The following PIGL variants were observed in gnomAD, a reference collection of about 807,000 sequenced individuals.
PIGL encodes N-acetylglucosaminyl-phosphatidylinositol de-N-acetylase.
PIGL carries 22 observed loss-of-function variants against 31.1 expected under a neutral mutation model. That is an observed-to-expected ratio of 0.71 (90% CI 0.51 to 1.01). PIGL has a LOEUF of 1.01. PIGL is among the 50% of genes least tolerant of loss of function. The probability of loss-of-function intolerance (pLI) is 0.00; values close to 1 mark genes in which losing one functional copy is unlikely to be tolerated. For synonymous variants in PIGL, 131 were observed against 117.4 expected (o/e 1.12, Z -0.75); for missense variants, 302 against 315.9 (o/e 0.96, Z 0.33).
At chr17:16,223,059 G>A (rs1174332576) in intron 1 of PIGL, among the ~76,000 whole-genome samples, 1 of 152,072 alleles carries the variant, frequency 6.6e-6, no homozygotes, top group African/African-American at 2.4e-5. Context: ...GTCAAGTTTG[G>A]AGAATAGCCA....
chr17:16,218,095 C>G (rs1221387055), intron 1 of PIGL: 2 of 152,164 alleles, frequency 1.3e-5, no homozygotes, highest in African/African-American at 4.8e-5. Flanking sequence ...GACCATTAAG[C>G]TGGAATATGG....
intron 1 of PIGL, among the ~76,000 whole-genome samples, chr17:16,229,797 A>G (rs1377018800): frequency 2.0e-5 from 3 of 150,664 alleles, no homozygotes; most frequent in Non-Finnish European, 4.4e-5. Context: ...TATCTTCTTT[A>G]GAGAATACCT....
intron 2 of PIGL, among the ~76,000 whole-genome samples, chr17:16,276,508 G>T (rs530824427): frequency 1.1e-4 from 16 of 152,300 alleles, no homozygotes; most frequent in African/African-American, 3.6e-4. Context: ...CAAGGCGGGT[G>T]GATCACCTGA....
chr17:16,224,112 G>A (rs1008029799), intron 1 of PIGL, among the ~76,000 whole-genome samples: 30 of 151,350 alleles, frequency 2.0e-4, no homozygotes, highest in Non-Finnish European at 4.1e-4. Context: ...CTACTCAGGA[G>A]GCTGAGGCAG....
intron 1 of PIGL, among the ~76,000 whole-genome samples, chr17:16,228,872 G>T (rs1006340489): frequency 6.6e-6 from 1 of 152,236 alleles, no homozygotes; most frequent in South Asian, 2.1e-4. Flanking sequence ...GTCTATTCTA[G>T]GTAACTCGAA....
In PIGL at chr17:16,326,005, C is replaced by T. The variant is rs1224290289; in HGVS notation, c.*107C>T. 6 of 774,260 alleles carry T rather than the reference C, an allele frequency of 7.7e-6. No individual in the cohort carries two copies. The highest frequency in any genetic ancestry group is 1.6e-5 in the South Asian group (1 of 62,702). 48.0% of individuals were successfully genotyped at this position (774,260 alleles called of 1,614,324 possible). A position where few individuals can be genotyped will look rare whatever the true frequency, so the allele number is the denominator to read the frequency against. ...ATTTACCTGAGCTCAAGGAGATCCCCGCTGGAGCAGCCTCTGCAAAAGGGA... is the reference window on the plus strand; with the variant it reads ...ATTTACCTGAGCTCAAGGAGATCCCTGCTGGAGCAGCCTCTGCAAAAGGGA... On this transcript the variant is annotated 3_prime_UTR_variant, in exon 7 of 7. Coordinates refer to ENST00000225609, the MANE Select transcript of PIGL (RefSeq NM_004278.4).
chr17:16,220,483 T>TA (rs372683609), intron 1 of PIGL, among the ~76,000 whole-genome samples: 57,255 of 115,050 alleles, frequency 0.5, 13,914 homozygotes, highest in Middle Eastern at 0.59. Context: ...AATTGTTATT[T>TA]TTTTTTTTTT....
chr17:16,240,973 G>A (rs763387004), intron 2 of PIGL, among the ~76,000 whole-genome samples: 1 of 151,666 alleles, frequency 6.6e-6, no homozygotes, highest in Non-Finnish European at 1.5e-5. Flanking sequence ...AATTAGCCGG[G>A]TGTGGTGGCA....
intron 2 of PIGL, among the ~76,000 whole-genome samples, chr17:16,292,742 A>G (rs4791665): frequency 0.54 from 82,767 of 152,004 alleles, 23,025 homozygotes; most frequent in African/African-American, 0.62. Flanking sequence ...AGGAGGAGGG[A>G]TGCTATCTGG....
At chr17:16,282,238 G>A (rs561368081) in intron 2 of PIGL, 2 of 346,818 alleles carry the variant, frequency 5.8e-6, no homozygotes, top group South Asian at 4.2e-5. Flanking sequence ...GGAATGGCTG[G>A]GCATCCCTTG....
At chr17:16,300,667 G>C (rs1322179452) in intron 3 of PIGL, among the ~76,000 whole-genome samples, 1 of 150,924 alleles carries the variant, frequency 6.6e-6, no homozygotes, top group Non-Finnish European at 1.5e-5. Flanking sequence ...GTGGCAGAGT[G>C]AGACTCTGTC....
intron 1 of PIGL, chr17:16,217,992 AG>A (rs1237833102): frequency 6.6e-6 from 1 of 152,240 alleles, no homozygotes; most frequent in Admixed American, 6.6e-5. Context: ...GTAATTTTAG[AG>A]TTCAACTCCA....
chr17:16,282,931 G>A (rs1047475969), intron 2 of PIGL, among the ~76,000 whole-genome samples: 7 of 152,092 alleles, frequency 4.6e-5, no homozygotes, highest in South Asian at 2.1e-4. Context: ...AAGCTGAAGC[G>A]GGAGCATCAC....
chr17:16,223,793 G>A (rs1163306965), intron 1 of PIGL, among the ~76,000 whole-genome samples: 1 of 152,024 alleles, frequency 6.6e-6, no homozygotes, highest in Admixed American at 6.6e-5. Flanking sequence ...TTGGAGTCAG[G>A]AAAATCAATT....
At chr17:16,325,173 GCCTCTAC>G (rs1458268510) in intron 6 of PIGL, among the ~76,000 whole-genome samples, 1 of 151,828 alleles carries the variant, frequency 6.6e-6, no homozygotes, top group African/African-American at 2.4e-5. Context: ...GTGAAACCCT[GCCTCTAC>G]TAAATATACA....
intron 1 of PIGL, among the ~76,000 whole-genome samples, chr17:16,229,481 CTTT>C (rs71353784): frequency 0.025 from 2,884 of 114,184 alleles, 22 homozygotes; most frequent in Non-Finnish European, 0.028. Flanking sequence ...ACCGGTTTTC[CTTT>C]TTTTTTTTTT....
intron 5 of PIGL, 130 bp downstream of exon 5, chr17:16,316,842 ACT>A: frequency 6.8e-7 from 1 of 1,480,482 alleles, no homozygotes; most frequent in African/African-American, 1.4e-5. Flanking sequence ...AGGCCGCCAC[ACT>A]CTTCCTGACT....
At chr17:16,250,410 A>T (rs1198517835) in intron 2 of PIGL, among the ~76,000 whole-genome samples, 1 of 152,204 alleles carries the variant, frequency 6.6e-6, no homozygotes, top group Non-Finnish European at 1.5e-5. Context: ...ATCCACAGGT[A>T]AAAGGAGGCT....
chr17:16,276,858 T>G (rs1368320174), intron 2 of PIGL, among the ~76,000 whole-genome samples: 1 of 152,266 alleles, frequency 6.6e-6, no homozygotes, highest in Non-Finnish European at 1.5e-5. Flanking sequence ...GTAACTGATT[T>G]GCTTTGTTAT....
Sources: gnomAD v4.1 joint callset for allele counts (sites outside exome capture counted in the v4.1 genomes callset) on GRCh38, gnomAD v4.1.1 for gene constraint, MANE v1.5 for transcripts, NCBI Gene and HGNC (gene_info 2026-07-23, HGNC 2026-07-21) for gene names.